PIWIL1: variants seen among roughly 807,000 people sequenced by gnomAD.
The protein encoded by PIWIL1 is piwi-like protein 1.
Under a neutral mutation model 114.4 loss-of-function variants are expected in PIWIL1, and 73 were observed. The observed-to-expected ratio is 0.64, with a 90% CI of 0.53 to 0.78. The LOEUF is 0.78. Ranked by LOEUF, PIWIL1 falls within the 30% of genes least tolerant of loss-of-function variation. PIWIL1 has a pLI of 0.00. For synonymous variants in PIWIL1, 375 were observed against 369.0 expected, an observed-to-expected ratio of 1.02 and a Z score of -0.19; for missense variants, 723 against 1,063.1, an observed-to-expected ratio of 0.68 and a Z score of 4.45.
the PIWIL1 span, chr12:130,414,079 C>G: frequency 3.9e-5 from 63 of 1,599,290 alleles, 1 homozygote; most frequent in Non-Finnish European, 5.3e-5. Context: ...TGACCCAGAC[C>G]CGCCTCAGGG....
the PIWIL1 span, among the ~76,000 whole-genome samples, chr12:130,404,799 C>G: frequency 6.6e-6 from 1 of 152,064 alleles, no homozygotes; most frequent in Admixed American, 6.6e-5. Context: ...GGACTCTTTA[C>G]AAAATGTTCC....
At chr12:130,400,047 G>A in the PIWIL1 span, among the ~76,000 whole-genome samples, 5 of 152,276 alleles carry the variant, frequency 3.3e-5, no homozygotes, top group Middle Eastern at 3.4e-3. Context: ...GAGGAGCTGA[G>A]GAATCTGCCT....
In PIWIL1 at chr12:130,362,984, G is replaced by A. The variant is rs751524450; in HGVS notation, c.2042-7G>A. 1 of 1,613,446 alleles carries A rather than the reference G, an allele frequency of 6.2e-7. No individual in the cohort carries two copies. The highest frequency in any genetic ancestry group is 1.3e-5 in the African/African-American group (1 of 74,918). ...AATTGACATAAAACTTCTCTGGCCT[G>A]TTTCAGCGGCTCTGAGGGCTTGGAA... On this transcript the variant is annotated splice_polypyrimidine_tract_variant and splice_region_variant and intron_variant, in intron 17 of 20. Transcript: ENST00000245255.
At chr12:130,361,733 G>T (rs532705847) in intron 16 of PIWIL1, 132 bp downstream of exon 16, 15 of 665,942 alleles carry the variant, frequency 2.3e-5, no homozygotes, top group African/African-American at 1.8e-4. Context: ...ATTTAGGAAA[G>T]AAAAATAATG....
chr12:130,401,617 T>G, the PIWIL1 span, among the ~76,000 whole-genome samples: 1 of 151,766 alleles, frequency 6.6e-6, no homozygotes, highest in Non-Finnish European at 1.5e-5. Flanking sequence ...CCGGCTCCAT[T>G]ATTAGCTTAT....
the PIWIL1 span, among the ~76,000 whole-genome samples, chr12:130,423,643 T>C: frequency 7.3e-6 from 1 of 137,866 alleles, no homozygotes; most frequent in Non-Finnish European, 1.5e-5. Context: ...ACAAGAACTT[T>C]GGAAACAATA....
Position 130,361,494 on chromosome 12 carries a change from G to A in PIWIL1, c.1867-4G>A. On this transcript the variant is annotated splice_polypyrimidine_tract_variant and splice_region_variant and intron_variant, in intron 15 of 20. Coordinates refer to ENST00000245255, the MANE Select transcript of PIWIL1 (RefSeq NM_004764.5). ...TATCTAAAATTACCATATTTGTATT[G>A]AAGCTGAAGCTCGTGATGATCGTTG... The A allele has an allele frequency of 6.2e-7, 1 of 1,613,968 alleles. No homozygotes were observed. The highest frequency in any genetic ancestry group is 2.2e-5 in the East Asian group (1 of 44,878).
intron 1 of PIWIL1, among the ~76,000 whole-genome samples, chr12:130,339,166 G>A (rs1255896918): frequency 6.6e-6 from 1 of 152,122 alleles, no homozygotes; most frequent in African/African-American, 2.4e-5. Flanking sequence ...GACCCCAAGT[G>A]AGGCGGCGAC....
chr12:130,415,790 TA>T, the PIWIL1 span, among the ~76,000 whole-genome samples: 1 of 151,772 alleles, frequency 6.6e-6, no homozygotes, highest in Admixed American at 6.6e-5. Flanking sequence ...GATATGATTC[TA>T]AACCTAGAAA....
the PIWIL1 span, chr12:130,414,292 C>A: frequency 6.3e-7 from 1 of 1,595,824 alleles, no homozygotes; most frequent in African/African-American, 1.3e-5. Flanking sequence ...GAAAGGCGGT[C>A]TCGCCCGTAA....
chr12:130,347,621 GA>G (rs2073103662), intron 6 of PIWIL1, among the ~76,000 whole-genome samples: 1 of 152,172 alleles, frequency 6.6e-6, no homozygotes, highest in East Asian at 1.9e-4. Flanking sequence ...AACTGTCACT[GA>G]TGATAGGACA....
chr12:130,350,733 A>G (rs1411862170), intron 9 of PIWIL1, among the ~76,000 whole-genome samples: 1 of 152,196 alleles, frequency 6.6e-6, no homozygotes, highest in Non-Finnish European at 1.5e-5. Flanking sequence ...TTGTCTTTGA[A>G]TTGCTAACAT....
At chr12:130,399,919 A>T in the PIWIL1 span, 2 of 1,293,526 alleles carry the variant, frequency 1.5e-6, no homozygotes, top group Admixed American at 4.7e-5. Context: ...TGGTGAGTTT[A>T]TTCTGGTTCA....
chr12:130,337,929 G>C lies in PIWIL1; in HGVS notation c.-230G>C, dbSNP rs531802349. On this transcript the variant is annotated 5_prime_UTR_variant, in exon 1 of 21. Coordinates refer to ENST00000245255, the MANE Select transcript of PIWIL1 (RefSeq NM_004764.5). The stretch of plus-strand genomic sequence containing the variant: ...GTACAGACACGAGGCCGGCGCCCGG[G>C]AGGCGGTGTTCATCCGCCCGGGAAA... 35 of 161,208 alleles carry C rather than the reference G, an allele frequency of 2.2e-4. No individual in the cohort carries two copies. The highest frequency in any genetic ancestry group is 4.6e-4 in the Non-Finnish European group (34 of 74,434). The allele number at this position is 161,208 out of a possible 1,614,324, so 10.0% of individuals were successfully genotyped here.
intron 1 of PIWIL1, among the ~76,000 whole-genome samples, chr12:130,338,973 G>A (rs1258247333): frequency 2.0e-5 from 3 of 151,884 alleles, no homozygotes; most frequent in African/African-American, 7.3e-5. Flanking sequence ...TGGCGGCCGT[G>A]CGTGAGACTG....
In PIWIL1 at chr12:130,340,874, G is replaced by C. The variant is rs563533579; in HGVS notation, c.-12-1706G>C. ...TGCTGGCACCTCAGCGGATTATCCT[G>C]TGTAAACTCCTTTGGAAATTGCTGA... On this transcript the variant is annotated intron_variant, in intron 1 of 20. Coordinates refer to ENST00000245255, the MANE Select transcript of PIWIL1 (RefSeq NM_004764.5). 3.3e-5 allele frequency among the ~76,000 whole-genome samples: 5 copies of C among 152,288 alleles called. No homozygotes were observed. The South Asian group carries it at 1.0e-3, about 32-fold the overall frequency.
the PIWIL1 span, chr12:130,397,918 AG>A: frequency 1.8e-5 from 3 of 163,370 alleles, no homozygotes; most frequent in Non-Finnish European, 4.0e-5. Context: ...AAAAAGCGAA[AG>A]TTCATAAAGG....
At chr12:130,388,388 A>G in the PIWIL1 span, among the ~76,000 whole-genome samples, 1 of 152,222 alleles carries the variant, frequency 6.6e-6, no homozygotes, top group Admixed American at 6.5e-5. Flanking sequence ...CAGTATCAGC[A>G]TCCCATTGTT....
chr12:130,357,128 G>C (rs201616850), intron 13 of PIWIL1, 23 bp downstream of exon 13: 50 of 1,585,088 alleles, frequency 3.2e-5, no homozygotes, highest in Non-Finnish European at 4.1e-5. Flanking sequence ...AGTCATTTCT[G>C]CTCTGAAAAT....
Sources: gnomAD v4.1 joint callset for allele counts (sites outside exome capture counted in the v4.1 genomes callset) on GRCh38, gnomAD v4.1.1 for gene constraint, MANE v1.5 for transcripts, NCBI Gene and HGNC (gene_info 2026-07-23, HGNC 2026-07-21) for gene names.